Variants in SLA2 observed in about 807,000 individuals in gnomAD.
SLA2 encodes src-like-adapter 2.
Under a neutral mutation model 27.3 loss-of-function variants are expected in SLA2, and 22 were observed. The ratio of observed to expected loss-of-function variants is 0.81; its 90% CI spans 0.58 to 1.15. The LOEUF (loss-of-function observed/expected upper bound fraction) is 1.15, where lower values mean the gene tolerates loss of function less well. Ranked by LOEUF, SLA2 falls within the 50% of genes most tolerant of loss-of-function variation. The pLI, the probability that SLA2 is intolerant of heterozygous loss-of-function variation, is 0.00. For missense variants in SLA2, 304 were observed against 322.2 expected, an observed-to-expected ratio of 0.94 and a Z score of 0.43; for synonymous variants, 131 against 137.8, an observed-to-expected ratio of 0.95 and a Z score of 0.34.
intron 5 of SLA2, among the ~76,000 whole-genome samples, chr20:36,627,190 G>A (rs1418955445): frequency 6.6e-6 from 1 of 152,336 alleles, no homozygotes; most frequent in East Asian, 1.9e-4. Context: ...AGTGGAAGCT[G>A]TGGCTGGACG....
rs928419702 is a variant in SLA2, at chr20:36,614,289, G to C, written c.665+16C>G. 1.2e-6 allele frequency: 2 copies of C among 1,614,144 alleles called. No homozygotes were observed. The highest frequency in any genetic ancestry group is 2.2e-5 in the South Asian group (2 of 91,084). On this transcript the variant is annotated intron_variant, in intron 7 of 7. Transcript: ENST00000262866. ...CTTGGTCCTGCTTTCATGTTTCCAG[G>C]AGTCCCCAACTTTACCTGTCCAGCT...
At position 36,641,310 on chromosome 20, in the gene SLA2, TTTC is replaced by T; in HGVS notation, c.23_25del (p.Arg8del). 1 of 1,614,058 alleles carries T rather than the reference TTTC, an allele frequency of 6.2e-7. No individual in the cohort carries two copies. The highest frequency in any genetic ancestry group is 8.5e-7 in the Non-Finnish European group (1 of 1,179,934). ...ACTCAAGCTTGGGCTTGGCAGAGATTTTCTTCTGCTGGGCAGACTTCCCATTGT... is the reference window on the plus strand; with the variant it reads ...ACTCAAGCTTGGGCTTGGCAGAGATTTTCTGCTGGGCAGACTTCCCATTGT... On this transcript the variant is annotated inframe_deletion, in exon 2 of 8. Coordinates refer to ENST00000262866, the MANE Select transcript of SLA2 (RefSeq NM_032214.4).
chr20:36,617,812 A>G (rs6101452), intron 5 of SLA2, among the ~76,000 whole-genome samples: 3,961 of 142,172 alleles, frequency 0.028, 182 homozygotes, highest in African/African-American at 0.097. Context: ...AGCCGAGATC[A>G]GCCACTGCAC....
chr20:36,619,922 G>A (rs188878934), intron 5 of SLA2, among the ~76,000 whole-genome samples: 86 of 150,150 alleles, frequency 5.7e-4, no homozygotes, highest in African/African-American at 1.8e-3. Context: ...GTGAGCCACC[G>A]TGCCTGGCCA....
In SLA2 at chr20:36,613,931, G is replaced by C; in HGVS notation, c.721C>G (p.Leu241Val). Residue 241 changes from leucine to valine, a missense_variant, in exon 8 of 8, where the codon CTC (leucine) becomes GTC (valine). Coordinates refer to ENST00000262866, the MANE Select transcript of SLA2 (RefSeq NM_032214.4). ...ATGTAGAAGCTGAGGGACTCCCGGAGACCCTCACTGAGAAGAGACTCCTCC... is the reference window on the plus strand; with the variant it reads ...ATGTAGAAGCTGAGGGACTCCCGGACACCCTCACTGAGAAGAGACTCCTCC... The part of the protein sequence containing the change: ...TGEESLLSEG[L>V]RESLSFYISL... The C allele has an allele frequency of 6.2e-7, 1 of 1,614,090 alleles. No individual in the cohort carries two copies. The highest frequency in any genetic ancestry group is 8.5e-7 in the Non-Finnish European group (1 of 1,179,976).
rs555810186 is a variant in SLA2, at chr20:36,618,808, G to A, written c.383-3434C>T. ...ATAAATCCCAGCTACTTGAGAGGCTGAGGCAGGAGAATTGCTTGAACCCAG... is the reference window on the plus strand; with the variant it reads ...ATAAATCCCAGCTACTTGAGAGGCTAAGGCAGGAGAATTGCTTGAACCCAG... On this transcript the variant is annotated intron_variant, in intron 5 of 7. Coordinates refer to ENST00000262866, the MANE Select transcript of SLA2 (RefSeq NM_032214.4). 1.5e-3 allele frequency among the ~76,000 whole-genome samples: 214 copies of A among 146,322 alleles called. 1 individual carries two copies. The highest frequency in any genetic ancestry group is 5.1e-3 in the African/African-American group (207 of 40,238).
intron 5 of SLA2, among the ~76,000 whole-genome samples, chr20:36,622,178 T>C (rs190589553): frequency 4.8e-5 from 7 of 146,834 alleles, no homozygotes; most frequent in African/African-American, 1.5e-4. Context: ...GCCACTGCAC[T>C]CTAGCCTGGG....
Position 36,614,455 on chromosome 20 carries a change from A to G in SLA2, c.533-18T>C. The G allele has an allele frequency of 1.3e-6, 2 of 1,588,806 alleles. No homozygotes were observed. The highest frequency in any genetic ancestry group is 1.7e-6 in the Non-Finnish European group (2 of 1,166,608). On this transcript the variant is annotated intron_variant, in intron 6 of 7. Coordinates refer to ENST00000262866, the MANE Select transcript of SLA2 (RefSeq NM_032214.4). ...CGCCAGCTCTGAGGAAGAGACCTCC[A>G]TCCCTGACATGACTGACTCCACCCT... is the stretch of plus-strand genomic sequence containing the variant.
chr20:36,614,379 GC>G lies in SLA2; in HGVS notation c.590del (p.Gly197AlafsTer12). On this transcript the variant is annotated frameshift_variant, in exon 7 of 8. Transcript: ENST00000262866. LOFTEE classifies it high-confidence loss of function. ...GGGGTATATCCTTGCCAGGGAGCGG[GC>G]CAGCCCTCTGCAGGACACAGGGCTC... ...LKEPCVLQRA[G>X]PLPGKDIPLP... The G allele has an allele frequency of 1.9e-6, 3 of 1,614,066 alleles. No homozygotes were observed. The highest frequency in any genetic ancestry group is 2.5e-6 in the Non-Finnish European group (3 of 1,179,982).
intron 5 of SLA2, among the ~76,000 whole-genome samples, chr20:36,626,038 G>T (rs1016912569): frequency 6.6e-6 from 1 of 152,052 alleles, no homozygotes; most frequent in Non-Finnish European, 1.5e-5. Flanking sequence ...GCCAAGGTGG[G>T]TGGATCACTT....
At chr20:36,614,694 T>C (rs2147974483) in intron 6 of SLA2, 1 of 985,408 alleles carries the variant, frequency 1.0e-6, no homozygotes, top group African/African-American at 1.7e-5. Context: ...GGTTAGGAAA[T>C]TGCTTTGGGA....
chr20:36,622,976 T>C (rs1276920110), intron 5 of SLA2, among the ~76,000 whole-genome samples: 1 of 152,060 alleles, frequency 6.6e-6, no homozygotes, highest in East Asian at 1.9e-4. Flanking sequence ...CTGTGAAAAA[T>C]CTACAGCTAA....
At position 36,646,093 on chromosome 20, in the gene SLA2, G is replaced by A. The variant is rs1978287858; in HGVS notation, c.-300C>T. On this transcript the variant is annotated 5_prime_UTR_variant, in exon 1 of 8. Transcript: ENST00000262866. Reference sequence around the variant, plus strand: ...ATGCTCCTTAGGGATTCTGGACTGGGGAACCCTCCCAAGCACAGCCGAGCC... The same window carrying A: ...ATGCTCCTTAGGGATTCTGGACTGGAGAACCCTCCCAAGCACAGCCGAGCC... The A allele has an allele frequency of 6.6e-6, 1 of 152,276 alleles. No homozygotes were observed. Among genetic ancestry groups the A allele is most frequent in the Admixed American group, 6.5e-5 (1 of 15,276 alleles). The allele number at this position is 152,276 out of a possible 1,614,324, so 9.4% of individuals were successfully genotyped here.
At chr20:36,615,667 T>C (rs375862410) in intron 5 of SLA2, among the ~76,000 whole-genome samples, 10 of 152,072 alleles carry the variant, frequency 6.6e-5, no homozygotes, top group East Asian at 1.9e-4. Flanking sequence ...GTGGCAGATA[T>C]GTTAGGATGC....
rs2039152113 is a variant in SLA2 at position 36,612,599 on chromosome 20, T to C, written c.*1267A>G. Reference sequence around the variant, plus strand: ...GATAAAGCCTTTCCCACCCCACCTGTAGCTTGGGAACCAGTAGGAGCACTG... The same window carrying C: ...GATAAAGCCTTTCCCACCCCACCTGCAGCTTGGGAACCAGTAGGAGCACTG... On this transcript the variant is annotated 3_prime_UTR_variant, in exon 8 of 8. Transcript: ENST00000262866. 3.7e-6 allele frequency: 1 copy of C among 273,952 alleles called. No homozygotes were observed. The highest frequency in any genetic ancestry group is 3.7e-5 in the South Asian group (1 of 26,984). 17.0% of individuals were successfully genotyped at this position (273,952 alleles called of 1,614,324 possible). A position where few individuals can be genotyped will look rare whatever the true frequency, so the allele number is the denominator to read the frequency against.
chr20:36,635,894 A>G (rs936355391), intron 2 of SLA2, among the ~76,000 whole-genome samples: 8 of 152,030 alleles, frequency 5.3e-5, no homozygotes, highest in Admixed American at 3.3e-4. Context: ...TCATTTCCCA[A>G]CTGAAATGTC....
At position 36,615,458 on chromosome 20, in the gene SLA2, G is replaced by A. The variant is rs530116762; in HGVS notation, c.383-84C>T. 2.9e-5 allele frequency: 46 copies of A among 1,566,074 alleles called. 1 individual carries two copies. Among genetic ancestry groups the A allele is most frequent in the East Asian group, 6.8e-5 (3 of 44,004 alleles). ...AGGCTGGGAAACGAAGATAGGCAAC[G>A]TGACCATGGGGCCCCGGCAGAAGGG... On this transcript the variant is annotated intron_variant, in intron 5 of 7. Coordinates refer to ENST00000262866, the MANE Select transcript of SLA2 (RefSeq NM_032214.4).
At chr20:36,620,565 C>CTTTT (rs35429682) in intron 5 of SLA2, 28 of 107,596 alleles carry the variant, frequency 2.6e-4, no homozygotes, top group South Asian at 6.2e-4. Flanking sequence ...ACCACACTGG[C>CTTTT]TTTTTTTTTT....
chr20:36,618,383 C>T (rs1202381198), intron 5 of SLA2, among the ~76,000 whole-genome samples: 2 of 151,532 alleles, frequency 1.3e-5, no homozygotes, highest in Admixed American at 6.6e-5. Flanking sequence ...ACTACAGGCA[C>T]GTGCCACCAT....
Sources: gnomAD v4.1 joint callset for allele counts (sites outside exome capture counted in the v4.1 genomes callset) on GRCh38, gnomAD v4.1.1 for gene constraint, MANE v1.5 for transcripts, NCBI Gene and HGNC (gene_info 2026-07-23, HGNC 2026-07-21) for gene names.